The following PCDH15 variants were observed in gnomAD, a reference collection of about 807,000 sequenced individuals.
PCDH15 encodes the protein protocadherin related 15.
In PCDH15, 129 loss-of-function variants were observed where a neutral mutation model predicts 178.5. That is an observed-to-expected ratio of 0.72 (90% CI 0.63 to 0.84). The LOEUF is 0.84. PCDH15 is among the 40% of genes least tolerant of loss of function. PCDH15 has a pLI of 0.00. For missense variants in PCDH15, 2,230 were observed against 2,099.9 expected, an observed-to-expected ratio of 1.06 and a Z score of -1.21; for synonymous variants, 800 against 732.0, an observed-to-expected ratio of 1.09 and a Z score of -1.50.
At chr10:54,668,967 C>G (rs2094614114) in intron 1 of PCDH15, among the ~76,000 whole-genome samples, 1 of 152,130 alleles carries the variant, frequency 6.6e-6, no homozygotes, top group African/African-American at 2.4e-5. Flanking sequence ...AAAACTAAAA[C>G]TTGTCACTGC....
chr10:54,154,203 A>C (rs2044850798), intron 13 of PCDH15, among the ~76,000 whole-genome samples: 1 of 152,162 alleles, frequency 6.6e-6, no homozygotes, highest in African/African-American at 2.4e-5. Flanking sequence ...AAAGAATATA[A>C]AGGGATTCTA....
At chr10:54,451,349 T>C (rs2076467302) in intron 3 of PCDH15, among the ~76,000 whole-genome samples, 1 of 151,928 alleles carries the variant, frequency 6.6e-6, no homozygotes, top group Non-Finnish European at 1.5e-5. Context: ...TAGTGAGCAT[T>C]ATCTTTTGTG....
chr10:54,663,285 C>CATG (rs2094519461), intron 2 of PCDH15, among the ~76,000 whole-genome samples: 2 of 151,736 alleles, frequency 1.3e-5, no homozygotes, highest in Admixed American at 1.3e-4. Flanking sequence ...GTCTGTGCAT[C>CATG]ATGAATGCCA....
At chr10:54,994,074 C>T (rs989028892) in intron 2 of PCDH15, among the ~76,000 whole-genome samples, 6 of 151,992 alleles carry the variant, frequency 3.9e-5, no homozygotes, top group African/African-American at 1.4e-4. Flanking sequence ...AACATGACAC[C>T]AAATCCCACA....
intron 2 of PCDH15, among the ~76,000 whole-genome samples, chr10:55,427,944 G>A (rs1033212296): frequency 1.3e-5 from 2 of 151,960 alleles, no homozygotes; most frequent in Admixed American, 1.3e-4. Context: ...AAAGAAAAAC[G>A]AGTTATTTGG....
chr10:54,816,002 T>C (rs1461052670), intron 3 of PCDH15, among the ~76,000 whole-genome samples: 1 of 152,054 alleles, frequency 6.6e-6, no homozygotes, highest in Non-Finnish European at 1.5e-5. Flanking sequence ...CTATTAGTAA[T>C]TAAGTTTGGG....
chr10:54,051,431 G>A (rs2093771962), intron 18 of PCDH15, among the ~76,000 whole-genome samples: 1 of 152,176 alleles, frequency 6.6e-6, no homozygotes, highest in Non-Finnish European at 1.5e-5. Context: ...AAGTCCAGCT[G>A]ATGTGGTCTC....
At chr10:55,399,590 C>T (rs1481982311) in intron 2 of PCDH15, among the ~76,000 whole-genome samples, 2 of 151,990 alleles carry the variant, frequency 1.3e-5, no homozygotes, top group Non-Finnish European at 2.9e-5. Flanking sequence ...AGTTTTTGAA[C>T]CCACTGACAA....
At chr10:55,151,554 C>A (rs554975739) in intron 2 of PCDH15, among the ~76,000 whole-genome samples, 1 of 151,910 alleles carries the variant, frequency 6.6e-6, no homozygotes, top group Non-Finnish European at 1.5e-5. Context: ...AACAGACAGG[C>A]AAAATACCTT....
chr10:54,390,048 T>C (rs1950364069), intron 3 of PCDH15, among the ~76,000 whole-genome samples: 1 of 152,212 alleles, frequency 6.6e-6, no homozygotes, highest in Admixed American at 6.5e-5. Flanking sequence ...TTTGACTTCA[T>C]TAACTATAAG....
intron 1 of PCDH15, among the ~76,000 whole-genome samples, chr10:54,789,665 A>G (rs539547986): frequency 1.3e-5 from 2 of 152,090 alleles, no homozygotes; most frequent in Admixed American, 1.3e-4. Flanking sequence ...GCAACTATTT[A>G]TAAATCAATC....
chr10:54,039,633 CTAAT>C (rs1415890150), intron 18 of PCDH15, among the ~76,000 whole-genome samples: 1 of 151,904 alleles, frequency 6.6e-6, no homozygotes, highest in Non-Finnish European at 1.5e-5. Flanking sequence ...GTGAATTCCA[CTAAT>C]TATTTTGAAA....
At chr10:53,817,344 A>G (rs1003212508) in intron 34 of PCDH15, among the ~76,000 whole-genome samples, 1 of 152,108 alleles carries the variant, frequency 6.6e-6, no homozygotes, top group African/African-American at 2.4e-5. Context: ...TTCTCTGCAG[A>G]CAGAATCAAA....
intron 25 of PCDH15, among the ~76,000 whole-genome samples, chr10:53,937,367 A>C (rs1364495918): frequency 6.6e-6 from 1 of 152,194 alleles, no homozygotes. Context: ...TGCATTTGCA[A>C]TAAAATAGGT....
At chr10:55,567,444 A>G (rs1842324168) in intron 2 of PCDH15, among the ~76,000 whole-genome samples, 1 of 151,834 alleles carries the variant, frequency 6.6e-6, no homozygotes, top group Non-Finnish European at 1.5e-5. Flanking sequence ...TAAAAAAAAA[A>G]AAGAAGATGA....
chr10:54,519,101 C>T (rs1450200252), intron 3 of PCDH15, among the ~76,000 whole-genome samples: 16 of 152,100 alleles, frequency 1.1e-4, no homozygotes, highest in East Asian at 1.9e-4. Flanking sequence ...CCACAGCCAA[C>T]ATCATACTGA....
At chr10:55,355,302 A>G (rs780839813) in intron 2 of PCDH15, among the ~76,000 whole-genome samples, 2 of 152,024 alleles carry the variant, frequency 1.3e-5, no homozygotes, top group Non-Finnish European at 2.9e-5. Context: ...TCACATAGAA[A>G]GAGTACATTT....
intron 2 of PCDH15, among the ~76,000 whole-genome samples, chr10:55,493,647 C>T (rs963154764): frequency 1.5e-4 from 23 of 151,516 alleles, no homozygotes; most frequent in Non-Finnish European, 1.0e-4. Flanking sequence ...TGATCAAAAA[C>T]TTAGTATCTA....
chr10:53,990,502 T>C (rs1469796622), intron 21 of PCDH15, among the ~76,000 whole-genome samples: 1 of 148,894 alleles, frequency 6.7e-6, no homozygotes, highest in Non-Finnish European at 1.5e-5. Flanking sequence ...CACAATGTTA[T>C]ATATATGTTA....
Sources: gnomAD v4.1 joint callset for allele counts (sites outside exome capture counted in the v4.1 genomes callset) on GRCh38, gnomAD v4.1.1 for gene constraint, MANE v1.5 for transcripts, NCBI Gene and HGNC (gene_info 2026-07-23, HGNC 2026-07-21) for gene names.